Variants in NLK observed in about 807,000 individuals in gnomAD.
The protein encoded by NLK is nemo like kinase, also known as serine/threonine-protein kinase NLK.
In NLK, 11 loss-of-function variants were observed where a neutral mutation model predicts 59.0. The observed-to-expected ratio is 0.19, with a 90% confidence interval of 0.12 to 0.31. NLK has a LOEUF of 0.31. NLK is among the 10% of genes least tolerant of loss of function. The probability of loss-of-function intolerance (pLI) is 1.00; values close to 1 mark genes in which losing one functional copy is unlikely to be tolerated. For synonymous variants in NLK, 235 were observed against 235.9 expected (o/e 1.00, Z 0.03); for missense variants, 410 against 661.1 (o/e 0.62, Z 4.16).
intron 1 of NLK, among the ~76,000 whole-genome samples, chr17:28,089,465 GTT>G (rs971010867): frequency 7.3e-6 from 1 of 137,064 alleles, no homozygotes; most frequent in African/African-American, 2.7e-5. Flanking sequence ...TAGTTTTGTT[GTT>G]TTTTTTTTTC....
intron 1 of NLK, among the ~76,000 whole-genome samples, chr17:28,082,122 C>T (rs533599442): frequency 1.1e-4 from 16 of 152,132 alleles, no homozygotes; most frequent in African/African-American, 2.2e-4. Flanking sequence ...ATGCTAGTCT[C>T]GAACTCCTGA....
intron 3 of NLK, among the ~76,000 whole-genome samples, chr17:28,155,211 A>T (rs8078406): frequency 0.99 from 151,452 of 152,298 alleles, 75,306 homozygotes; most frequent in East Asian, 1. Context: ...TGTTTTTAGA[A>T]CCTTATATTT....
At chr17:28,170,891 C>T (rs993749580) in intron 6 of NLK, among the ~76,000 whole-genome samples, 10 of 152,146 alleles carry the variant, frequency 6.6e-5, no homozygotes, top group Non-Finnish European at 1.5e-4. Flanking sequence ...GAATTCATGT[C>T]TGTCTAATTG....
chr17:28,153,892 T>C (rs1184148713), intron 3 of NLK, among the ~76,000 whole-genome samples: 1 of 152,152 alleles, frequency 6.6e-6, no homozygotes, highest in Admixed American at 6.5e-5. Flanking sequence ...AGAAACAGTA[T>C]TACAAAAAAA....
chr17:28,114,461 G>A lies in NLK; in HGVS notation c.459-8142G>A, dbSNP rs190437950. Among the ~76,000 whole-genome samples, 501 of 152,296 alleles carry A rather than the reference G, an allele frequency of 3.3e-3. 3 individuals carry two copies. The highest frequency in any genetic ancestry group is 0.011 in the African/African-American group (473 of 41,554). On this transcript the variant is annotated intron_variant, in intron 1 of 10. Coordinates refer to ENST00000407008, the MANE Select transcript of NLK (RefSeq NM_016231.5). The stretch of plus-strand genomic sequence containing the variant: ...GAGTTCTGTATACATCTGGATAAGA[G>A]CCCTTTGTTCCTTATAAGTGTTGCA...
chr17:28,098,056 A>T (rs1048641947), intron 1 of NLK, among the ~76,000 whole-genome samples: 22 of 152,190 alleles, frequency 1.4e-4, no homozygotes, highest in Non-Finnish European at 2.5e-4. Flanking sequence ...AGAACTACAA[A>T]TAACCAGATC....
At chr17:28,058,060 A>G (rs1909502236) in intron 1 of NLK, among the ~76,000 whole-genome samples, 1 of 152,182 alleles carries the variant, frequency 6.6e-6, no homozygotes, top group Non-Finnish European at 1.5e-5. Context: ...TTTAGATGCA[A>G]AAAGGGTGGT....
chr17:28,179,826 A>G (rs1374353243), intron 7 of NLK, among the ~76,000 whole-genome samples: 1 of 144,492 alleles, frequency 6.9e-6, no homozygotes, highest in African/African-American at 2.6e-5. Context: ...GATTACAGGC[A>G]TGAGCCACCG....
chr17:28,114,056 A>G (rs1356063715), intron 1 of NLK, among the ~76,000 whole-genome samples: 1 of 152,182 alleles, frequency 6.6e-6, no homozygotes, highest in African/African-American at 2.4e-5. Flanking sequence ...GTTGTTGCAT[A>G]TAGCAGTAGT....
At chr17:28,058,571 G>C (rs1010370456) in intron 1 of NLK, among the ~76,000 whole-genome samples, 1 of 152,118 alleles carries the variant, frequency 6.6e-6, no homozygotes, top group Admixed American at 6.5e-5. Context: ...TCCCATGATG[G>C]GTGCCTGTTG....
chr17:28,187,627 C>G (rs192055222), intron 8 of NLK, among the ~76,000 whole-genome samples: 2 of 152,204 alleles, frequency 1.3e-5, no homozygotes, highest in East Asian at 3.9e-4. Context: ...TTAATGCTCC[C>G]GATCTGCCAG....
At position 28,117,764 on chromosome 17, in the gene NLK, G is replaced by A. The variant is rs370480826; in HGVS notation, c.459-4839G>A. Among the ~76,000 whole-genome samples the A allele has an allele frequency of 3.9e-4, 60 of 152,170 alleles. 1 individual carries two copies. Among genetic ancestry groups the A allele is most frequent in the African/African-American group, 1.4e-3 (57 of 41,528 alleles). ...TCTTTCTTATGCATACAGCTAACCCGACAATTAACAAACTTGGATAAACAA... is the reference window on the plus strand; with the variant it reads ...TCTTTCTTATGCATACAGCTAACCCAACAATTAACAAACTTGGATAAACAA... On this transcript the variant is annotated intron_variant, in intron 1 of 10. Transcript: ENST00000407008.
chr17:28,056,448 C>T (rs1382544342), intron 1 of NLK, among the ~76,000 whole-genome samples: 1 of 152,102 alleles, frequency 6.6e-6, no homozygotes, highest in Non-Finnish European at 1.5e-5. Flanking sequence ...TAATACCTGT[C>T]CAACTAAATG....
At chr17:28,096,502 AATTGAAGGAAT>A (rs1904706016) in intron 1 of NLK, among the ~76,000 whole-genome samples, 1 of 152,126 alleles carries the variant, frequency 6.6e-6, no homozygotes, top group South Asian at 2.1e-4. Flanking sequence ...AAGGGGCTAT[AATTGAAGGAAT>A]ATTGAAGGAG....
intron 3 of NLK, among the ~76,000 whole-genome samples, chr17:28,156,319 T>C (rs1907717249): frequency 6.6e-6 from 1 of 152,164 alleles, no homozygotes; most frequent in Non-Finnish European, 1.5e-5. Context: ...AACATCACAT[T>C]ATTCCACCTA....
At chr17:28,176,978 G>C (rs574346683) in intron 7 of NLK, among the ~76,000 whole-genome samples, 2 of 152,106 alleles carry the variant, frequency 1.3e-5, no homozygotes, top group African/African-American at 4.8e-5. Context: ...AACACATTTT[G>C]TATGTTTATA....
intron 1 of NLK, among the ~76,000 whole-genome samples, chr17:28,053,642 G>C (rs540384440): frequency 1.3e-5 from 2 of 152,256 alleles, no homozygotes; most frequent in Non-Finnish European, 2.9e-5. Context: ...TCCATTCTTT[G>C]ACCTAAAATT....
chr17:28,062,054 C>T (rs1909679749), intron 1 of NLK: 2 of 151,152 alleles, frequency 1.3e-5, no homozygotes, highest in African/African-American at 4.9e-5. Context: ...CCTGGAGGTG[C>T]CTTCTGACAC....
intron 1 of NLK, among the ~76,000 whole-genome samples, chr17:28,097,205 TA>T (rs1904734197): frequency 1.3e-5 from 2 of 152,192 alleles, no homozygotes; most frequent in South Asian, 2.1e-4. Context: ...AAGGCAACAT[TA>T]AAAAATGTTC....
Sources: gnomAD v4.1 joint callset for allele counts (sites outside exome capture counted in the v4.1 genomes callset) on GRCh38, gnomAD v4.1.1 for gene constraint, MANE v1.5 for transcripts, NCBI Gene and HGNC (gene_info 2026-07-23, HGNC 2026-07-21) for gene names.